Variants in LARGE1 observed in about 807,000 individuals in gnomAD.
The protein encoded by LARGE1 is xylosyl- and glucuronyltransferase LARGE1.
Under a neutral mutation model 87.6 loss-of-function variants are expected in LARGE1, and 43 were observed. The observed-to-expected ratio is 0.49, with a 90% CI of 0.38 to 0.63. The LOEUF is 0.63. Ranked by LOEUF, LARGE1 falls within the 30% of genes least tolerant of loss-of-function variation. The probability of loss-of-function intolerance (pLI) is 0.00; values close to 1 mark genes in which losing one functional copy is unlikely to be tolerated. For synonymous variants in LARGE1, 434 were observed against 394.6 expected (o/e 1.10, Z -1.18); for missense variants, 802 against 1,000.2 (o/e 0.80, Z 2.67).
At chr22:33,904,739 T>A (rs1317422299) in intron 1 of LARGE1, among the ~76,000 whole-genome samples, 1 of 138,854 alleles carries the variant, frequency 7.2e-6, no homozygotes, top group Non-Finnish European at 1.6e-5. Flanking sequence ...TAGGTTTCTA[T>A]AATTTGTACC....
At chr22:33,581,532 G>A (rs908640984) in intron 5 of LARGE1, among the ~76,000 whole-genome samples, 6 of 152,118 alleles carry the variant, frequency 3.9e-5, no homozygotes, top group African/African-American at 7.2e-5. Context: ...GAGAGAATCT[G>A]ACTGGGCACG....
At chr22:33,238,575 A>C (rs1926363165) in intron 11 of LARGE1, among the ~76,000 whole-genome samples, 1 of 152,220 alleles carries the variant, frequency 6.6e-6, no homozygotes, top group Non-Finnish European at 1.5e-5. Context: ...ATGTGAAATT[A>C]TTGAAAAAAT....
chr22:33,754,422 G>A (rs373868780), intron 2 of LARGE1, among the ~76,000 whole-genome samples: 1 of 150,646 alleles, frequency 6.6e-6, no homozygotes, highest in African/African-American at 2.4e-5. Context: ...TGCAAGCTCC[G>A]CCCCCCAGGT....
chr22:33,769,940 T>A (rs1039857341), intron 1 of LARGE1, among the ~76,000 whole-genome samples: 2 of 152,186 alleles, frequency 1.3e-5, no homozygotes, highest in Admixed American at 1.3e-4. Flanking sequence ...CTCATTCTTT[T>A]TTTTAGGCCA....
the LARGE1 span, among the ~76,000 whole-genome samples, chr22:33,067,641 A>G: frequency 6.6e-6 from 1 of 152,172 alleles, no homozygotes; most frequent in South Asian, 2.1e-4. Context: ...TTGAACCCAG[A>G]TCCACATCCA....
chr22:33,463,145 C>T (rs1486716796), intron 6 of LARGE1, among the ~76,000 whole-genome samples: 1 of 151,386 alleles, frequency 6.6e-6, no homozygotes, highest in Non-Finnish European at 1.5e-5. Flanking sequence ...AGAAATAACA[C>T]CTGCCATCTT....
intron 1 of LARGE1, among the ~76,000 whole-genome samples, chr22:33,771,939 C>G (rs910017006): frequency 6.6e-6 from 1 of 152,210 alleles, no homozygotes; most frequent in South Asian, 2.1e-4. Flanking sequence ...TCGCATACAT[C>G]GTCCTCTCTC....
At chr22:33,738,955 G>C (rs2083770267) in intron 2 of LARGE1, among the ~76,000 whole-genome samples, 1 of 150,018 alleles carries the variant, frequency 6.7e-6, no homozygotes, top group African/African-American at 2.5e-5. Flanking sequence ...GTTCCAGTTT[G>C]GACAAGACAT....
At chr22:33,128,829 G>A in the LARGE1 span, among the ~76,000 whole-genome samples, 4 of 152,194 alleles carry the variant, frequency 2.6e-5, no homozygotes, top group Non-Finnish European at 4.4e-5. Flanking sequence ...ATTAACCTCA[G>A]CAAACTAGTG....
chr22:33,630,552 C>A (rs908566206), intron 3 of LARGE1, among the ~76,000 whole-genome samples: 1 of 152,078 alleles, frequency 6.6e-6, no homozygotes, highest in African/African-American at 2.4e-5. Context: ...GTGAGTATTT[C>A]TATCTCTTAA....
intron 11 of LARGE1, among the ~76,000 whole-genome samples, chr22:33,249,374 T>C (rs1926913430): frequency 1.3e-5 from 2 of 152,252 alleles, no homozygotes; most frequent in Non-Finnish European, 2.9e-5. Context: ...TTGGCACATT[T>C]ACTAAGCTGG....
intron 7 of LARGE1, among the ~76,000 whole-genome samples, chr22:33,422,718 C>T (rs1011682544): frequency 1.3e-5 from 2 of 152,076 alleles, no homozygotes; most frequent in African/African-American, 2.4e-5. Context: ...ACCATGTTGG[C>T]CAGGCTGGTC....
chr22:33,465,242 G>A (rs557680920), intron 6 of LARGE1, among the ~76,000 whole-genome samples: 8 of 152,316 alleles, frequency 5.3e-5, no homozygotes, highest in South Asian at 4.1e-4. Context: ...AAAGCTAAAA[G>A]AGGCAAAAGA....
intron 7 of LARGE1, among the ~76,000 whole-genome samples, chr22:33,421,340 CTG>C (rs1473128151): frequency 6.6e-6 from 1 of 152,174 alleles, no homozygotes; most frequent in East Asian, 1.9e-4. Context: ...CTGAAGGCAT[CTG>C]TGTGAAATAT....
At chr22:33,293,430 C>T (rs1031844427) in intron 12 of LARGE1, among the ~76,000 whole-genome samples, 5 of 152,156 alleles carry the variant, frequency 3.3e-5, no homozygotes, top group Admixed American at 1.3e-4. Flanking sequence ...TAGTTATCAT[C>T]ATCATCATAT....
chr22:33,589,701 G>A lies in LARGE1; in HGVS notation c.615+14734C>T, dbSNP rs553758542. On this transcript the variant is annotated intron_variant, in intron 5 of 14. Coordinates refer to ENST00000397394, the MANE Select transcript of LARGE1 (RefSeq NM_133642.5). ...TTGTTTTTGAATAATGAAAGAAGTG[G>A]AGGCTATTAAAATATCTCCAGTGAC... Among the ~76,000 whole-genome samples the A allele has an allele frequency of 9.9e-5, 15 of 152,220 alleles. No homozygotes were observed. The South Asian group carries it at 3.1e-3, about 32-fold the overall frequency.
chr22:33,832,342 GC>G (rs2062995051), intron 1 of LARGE1, among the ~76,000 whole-genome samples: 4 of 152,180 alleles, frequency 2.6e-5, no homozygotes, highest in Admixed American at 2.0e-4. Flanking sequence ...TACCCTGTGA[GC>G]TCTGTCTAAA....
At chr22:33,206,100 G>A (rs1365769312) in intron 11 of LARGE1, among the ~76,000 whole-genome samples, 1 of 151,910 alleles carries the variant, frequency 6.6e-6, no homozygotes, top group Non-Finnish European at 1.5e-5. Context: ...GACTACAGGC[G>A]CCCGCCACCA....
At chr22:33,509,765 CTG>C (rs1441399167) in intron 6 of LARGE1, among the ~76,000 whole-genome samples, 2 of 152,140 alleles carry the variant, frequency 1.3e-5, no homozygotes, top group African/African-American at 2.4e-5. Flanking sequence ...TATAAATGTT[CTG>C]TGTTTTTATA....
Sources: allele counts gnomAD v4.1 joint callset (sites outside exome capture counted in the v4.1 genomes callset), GRCh38; gene constraint gnomAD v4.1.1; transcripts MANE v1.5; gene names NCBI Gene and HGNC (gene_info 2026-07-23, HGNC 2026-07-21).